PPP1R16B: variants seen among roughly 807,000 people sequenced by gnomAD.
The protein encoded by PPP1R16B is protein phosphatase 1 regulatory inhibitor subunit 16B.
PPP1R16B carries 14 observed loss-of-function variants against 61.7 expected under a neutral mutation model. The observed-to-expected ratio is 0.23, with a 90% CI of 0.15 to 0.35. The LOEUF is 0.35. Among genes scored for constraint, PPP1R16B ranks in the 10% least tolerant of loss-of-function variants. PPP1R16B has a pLI of 1.00. For missense variants in PPP1R16B, 547 were observed against 752.5 expected, an observed-to-expected ratio of 0.73 and a Z score of 3.19; for synonymous variants, 266 against 305.3, an observed-to-expected ratio of 0.87 and a Z score of 1.34.
intron 2 of PPP1R16B, among the ~76,000 whole-genome samples, chr20:38,873,305 G>T (rs1222039580): frequency 1.3e-5 from 2 of 152,192 alleles, no homozygotes; most frequent in Admixed American, 1.3e-4. Context: ...GTTCTGAGAC[G>T]TCTGGGAGGC....
At chr20:38,882,266 G>A (rs895933524) in intron 2 of PPP1R16B, among the ~76,000 whole-genome samples, 4 of 152,198 alleles carry the variant, frequency 2.6e-5, no homozygotes, top group African/African-American at 9.7e-5. Context: ...ACAGTGTTGG[G>A]TGGGGCTGAA....
chr20:38,872,386 C>A (rs148790238), intron 2 of PPP1R16B, among the ~76,000 whole-genome samples: 4 of 152,018 alleles, frequency 2.6e-5, no homozygotes, highest in Admixed American at 2.6e-4. Context: ...TGGTGCCTGG[C>A]GAACATTTGC....
intron 2 of PPP1R16B, among the ~76,000 whole-genome samples, chr20:38,845,139 A>G (rs1219160563): frequency 6.6e-6 from 1 of 152,196 alleles, no homozygotes. Context: ...GAATGCAAGG[A>G]AGCCTTTGAT....
At chr20:38,884,179 G>T (rs189216271) in intron 2 of PPP1R16B, among the ~76,000 whole-genome samples, 1 of 152,372 alleles carries the variant, frequency 6.6e-6, no homozygotes, top group Non-Finnish European at 1.5e-5. Context: ...GAGAGCAAGA[G>T]ATGAGCCGGG....
chr20:38,880,377 A>G (rs942831646), intron 2 of PPP1R16B, among the ~76,000 whole-genome samples: 1 of 152,160 alleles, frequency 6.6e-6, no homozygotes, highest in East Asian at 1.9e-4. Flanking sequence ...ACAGAGAAAG[A>G]CAGGCAGGGC....
chr20:38,882,493 G>A (rs1009718519), intron 2 of PPP1R16B, among the ~76,000 whole-genome samples: 1 of 152,138 alleles, frequency 6.6e-6, no homozygotes, highest in Non-Finnish European at 1.5e-5. Context: ...TGATCCTACG[G>A]CCTCAGCCTC....
chr20:38,822,557 G>A (rs929448023), intron 1 of PPP1R16B, among the ~76,000 whole-genome samples: 3 of 148,572 alleles, frequency 2.0e-5, no homozygotes, highest in Non-Finnish European at 4.4e-5. Flanking sequence ...TTTTGTGTGG[G>A]AAGTTTGGTC....
intron 3 of PPP1R16B, among the ~76,000 whole-genome samples, chr20:38,893,508 G>A (rs2085306942): frequency 6.6e-6 from 1 of 152,010 alleles, no homozygotes; most frequent in South Asian, 2.1e-4. Flanking sequence ...AGGGCAGAGG[G>A]TGGGGACAGC....
At chr20:38,843,221 A>G (rs948359798) in intron 2 of PPP1R16B, among the ~76,000 whole-genome samples, 9 of 152,288 alleles carry the variant, frequency 5.9e-5, no homozygotes, top group Admixed American at 3.3e-4. Flanking sequence ...TCAGAATGAT[A>G]AACACATTAT....
chr20:38,855,976 A>AGG (rs2085005323), intron 2 of PPP1R16B, among the ~76,000 whole-genome samples: 1 of 25,730 alleles, frequency 3.9e-5, no homozygotes, highest in Non-Finnish European at 6.7e-5. Context: ...AGAGAGAGAG[A>AGG]GAGAGAAGGA....
intron 2 of PPP1R16B, among the ~76,000 whole-genome samples, chr20:38,876,789 C>T (rs76376870): frequency 6.6e-6 from 1 of 152,198 alleles, no homozygotes; most frequent in South Asian, 2.1e-4. Flanking sequence ...ACTTGGCTAT[C>T]ATTCTGCGGA....
chr20:38,836,835 T>G (rs2084875992), intron 2 of PPP1R16B, among the ~76,000 whole-genome samples: 1 of 152,230 alleles, frequency 6.6e-6, no homozygotes, highest in Non-Finnish European at 1.5e-5. Flanking sequence ...GCTGTATTTT[T>G]TTGGGAACAA....
chr20:38,916,044 G>A (rs2085535376), intron 10 of PPP1R16B, among the ~76,000 whole-genome samples: 1 of 148,764 alleles, frequency 6.7e-6, no homozygotes, highest in South Asian at 2.2e-4. Flanking sequence ...GCATCAGTCT[G>A]CCTGCATAGT....
At chr20:38,878,455 G>C (rs564379319) in intron 2 of PPP1R16B, among the ~76,000 whole-genome samples, 1 of 152,162 alleles carries the variant, frequency 6.6e-6, no homozygotes, top group African/African-American at 2.4e-5. Flanking sequence ...CCTAAACATT[G>C]ATAGGAATGG....
chr20:38,828,306 A>C (rs1041411504), intron 1 of PPP1R16B, among the ~76,000 whole-genome samples: 2 of 152,198 alleles, frequency 1.3e-5, no homozygotes, highest in African/African-American at 2.4e-5. Flanking sequence ...CTGAAGAGCC[A>C]AGAAATAACC....
intron 1 of PPP1R16B, among the ~76,000 whole-genome samples, chr20:38,825,290 C>G (rs187389187): frequency 7.7e-4 from 117 of 152,276 alleles, no homozygotes; most frequent in Non-Finnish European, 1.8e-4. Flanking sequence ...CATGCTGTCT[C>G]CCCACATTCC....
intron 1 of PPP1R16B, among the ~76,000 whole-genome samples, chr20:38,827,558 G>A (rs1382707542): frequency 3.9e-5 from 6 of 152,186 alleles, no homozygotes; most frequent in African/African-American, 7.2e-5. Flanking sequence ...TTGGAGTTAC[G>A]GAGTTGACCT....
chr20:38,849,821 C>T (rs1342496427), intron 2 of PPP1R16B, among the ~76,000 whole-genome samples: 3 of 152,130 alleles, frequency 2.0e-5, no homozygotes, highest in Non-Finnish European at 4.4e-5. Flanking sequence ...ATTACCAGCA[C>T]CCCAAAAGTC....
intron 1 of PPP1R16B, among the ~76,000 whole-genome samples, chr20:38,816,508 G>C (rs2084736194): frequency 6.6e-6 from 1 of 152,144 alleles, no homozygotes; most frequent in Non-Finnish European, 1.5e-5. Flanking sequence ...TATTGTAAAG[G>C]GACCTCCTTC....
Sources: allele counts gnomAD v4.1 joint callset (sites outside exome capture counted in the v4.1 genomes callset), GRCh38; gene constraint gnomAD v4.1.1; transcripts MANE v1.5; gene names NCBI Gene and HGNC (gene_info 2026-07-23, HGNC 2026-07-21).